Variants in NPAS3 observed in about 807,000 individuals in gnomAD.
NPAS3 encodes neuronal PAS domain protein 3.
Under a neutral mutation model 73.1 loss-of-function variants are expected in NPAS3, and 14 were observed. The ratio of observed to expected loss-of-function variants is 0.19; its 90% CI spans 0.13 to 0.30. NPAS3 has a LOEUF of 0.30. Ranked by LOEUF, NPAS3 falls within the 10% of genes least tolerant of loss-of-function variation. The pLI is 1.00. For synonymous variants in NPAS3, 620 were observed against 541.5 expected, an observed-to-expected ratio of 1.14 and a Z score of -2.01; for missense variants, 1,096 against 1,250.0, an observed-to-expected ratio of 0.88 and a Z score of 1.86.
intron 6 of NPAS3, among the ~76,000 whole-genome samples, chr14:33,696,420 A>G (rs7141242): frequency 0.59 from 89,622 of 152,054 alleles, 27,118 homozygotes; most frequent in Non-Finnish European, 0.67. Context: ...TCACATGGTT[A>G]TTGGGCCATC....
At chr14:33,405,079 G>T (rs1181678391) in intron 4 of NPAS3, among the ~76,000 whole-genome samples, 1 of 152,052 alleles carries the variant, frequency 6.6e-6, no homozygotes, top group Non-Finnish European at 1.5e-5. Context: ...TCTGCAGAAA[G>T]CCTTGCTTCT....
chr14:33,655,747 G>A (rs1004786731), intron 5 of NPAS3, among the ~76,000 whole-genome samples: 2 of 152,026 alleles, frequency 1.3e-5, no homozygotes, highest in Non-Finnish European at 2.9e-5. Context: ...TTCTCCTGTA[G>A]TGGCCTTTTT....
At chr14:33,158,741 A>G (rs2044739448) in intron 2 of NPAS3, among the ~76,000 whole-genome samples, 1 of 152,188 alleles carries the variant, frequency 6.6e-6, no homozygotes, top group African/African-American at 2.4e-5. Flanking sequence ...GGGTGCTTTA[A>G]AGAGGGGCCC....
At chr14:33,355,310 C>G (rs1477227763) in intron 3 of NPAS3, among the ~76,000 whole-genome samples, 1 of 151,880 alleles carries the variant, frequency 6.6e-6, no homozygotes, top group East Asian at 1.9e-4. Context: ...AACCGTTGCT[C>G]TTTTTTTTGA....
chr14:33,105,427 CT>C (rs1463753197), intron 2 of NPAS3, among the ~76,000 whole-genome samples: 1 of 152,056 alleles, frequency 6.6e-6, no homozygotes, highest in East Asian at 1.9e-4. Context: ...GCTTTTCTGC[CT>C]TTTTTTCTGT....
At chr14:33,197,267 G>GTGTCTGTGTT (rs1555353807) in intron 2 of NPAS3, among the ~76,000 whole-genome samples, 1 of 148,722 alleles carries the variant, frequency 6.7e-6, no homozygotes, top group Non-Finnish European at 1.5e-5. Flanking sequence ...GTGTGTGTGT[G>GTGTCTGTGTT]TTCTTTTTCA....
At chr14:33,427,937 T>A (rs1464031038) in intron 4 of NPAS3, among the ~76,000 whole-genome samples, 1 of 152,152 alleles carries the variant, frequency 6.6e-6, no homozygotes, top group Non-Finnish European at 1.5e-5. Context: ...TACATACAGT[T>A]GCTATGAATG....
At chr14:33,739,427 T>C (rs74679448) in intron 7 of NPAS3, among the ~76,000 whole-genome samples, 16,947 of 152,242 alleles carry the variant, frequency 0.11, 1,188 homozygotes, top group Non-Finnish European at 0.16. Flanking sequence ...ATCGCTCATA[T>C]ACTCTAGCTT....
chr14:33,070,179 AT>A (rs944024720), intron 2 of NPAS3, among the ~76,000 whole-genome samples: 27 of 152,276 alleles, frequency 1.8e-4, no homozygotes, highest in African/African-American at 6.5e-4. Context: ...AGGGAATATT[AT>A]TTTTTTGACC....
At chr14:33,156,681 G>A (rs1012812065) in intron 2 of NPAS3, among the ~76,000 whole-genome samples, 19 of 152,228 alleles carry the variant, frequency 1.2e-4, no homozygotes, top group African/African-American at 4.1e-4. Context: ...TTTCTAGAAA[G>A]AAATGGATTA....
chr14:33,161,326 C>A (rs1172978549), intron 2 of NPAS3, among the ~76,000 whole-genome samples: 1 of 152,146 alleles, frequency 6.6e-6, no homozygotes, highest in Non-Finnish European at 1.5e-5. Flanking sequence ...TTCTCAAAAC[C>A]TTGTGATTTA....
intron 3 of NPAS3, among the ~76,000 whole-genome samples, chr14:33,260,352 C>CT (rs200342123): frequency 0.062 from 9,102 of 145,806 alleles, 344 homozygotes; most frequent in East Asian, 0.22. Context: ...TTTTCCTTTC[C>CT]TTTTTTTTTT....
chr14:33,718,591 T>C (rs1380239690), intron 6 of NPAS3, among the ~76,000 whole-genome samples: 1 of 152,174 alleles, frequency 6.6e-6, no homozygotes, highest in African/African-American at 2.4e-5. Flanking sequence ...AACGTGTGTA[T>C]ACATAGATTA....
At chr14:33,419,502 C>T (rs979018961) in intron 4 of NPAS3, among the ~76,000 whole-genome samples, 8 of 151,760 alleles carry the variant, frequency 5.3e-5, no homozygotes, top group African/African-American at 1.9e-4. Context: ...TGAGATGCTG[C>T]TGATGAGAAA....
intron 1 of NPAS3, among the ~76,000 whole-genome samples, chr14:32,944,985 A>G (rs2036192655): frequency 6.6e-6 from 1 of 152,152 alleles, no homozygotes; most frequent in Non-Finnish European, 1.5e-5. Context: ...TTGAACCTCT[A>G]CCATGGACCG....
intron 4 of NPAS3, among the ~76,000 whole-genome samples, chr14:33,438,757 A>G (rs1222416830): frequency 6.6e-6 from 1 of 152,214 alleles, no homozygotes; most frequent in Non-Finnish European, 1.5e-5. Context: ...TTTACCTTTA[A>G]GATAAAATAA....
chr14:33,118,253 C>G (rs1389644952), intron 2 of NPAS3, among the ~76,000 whole-genome samples: 1 of 151,682 alleles, frequency 6.6e-6, no homozygotes, highest in Non-Finnish European at 1.5e-5. Context: ...GTAGTATCAA[C>G]AAGTATCTTT....
chr14:33,383,523 A>C (rs1296208239), intron 4 of NPAS3, among the ~76,000 whole-genome samples: 2 of 152,180 alleles, frequency 1.3e-5, no homozygotes, highest in African/African-American at 4.8e-5. Flanking sequence ...CTTCTCAGCC[A>C]AGGGGTCATT....
intron 2 of NPAS3, among the ~76,000 whole-genome samples, chr14:33,143,631 C>G (rs146577251): frequency 2.0e-3 from 298 of 152,282 alleles, no homozygotes; most frequent in African/African-American, 6.6e-3. Flanking sequence ...AGTATACTCA[C>G]AATGTTGTAC....
Sources: gnomAD v4.1 joint callset for allele counts (sites outside exome capture counted in the v4.1 genomes callset) on GRCh38, gnomAD v4.1.1 for gene constraint, MANE v1.5 for transcripts, NCBI Gene and HGNC (gene_info 2026-07-23, HGNC 2026-07-21) for gene names.